Variants in TTC6 observed in about 807,000 individuals in gnomAD.
TTC6 encodes the protein tetratricopeptide repeat domain 6.
TTC6 carries 172 observed loss-of-function variants against 210.4 expected under a neutral mutation model. The observed-to-expected ratio is 0.82, with a 90% CI of 0.72 to 0.93. TTC6 has a LOEUF of 0.93. Among genes scored for constraint, TTC6 ranks in the 40% least tolerant of loss-of-function variants. The probability of loss-of-function intolerance (pLI) is 0.00; values close to 1 mark genes in which losing one functional copy is unlikely to be tolerated. For synonymous variants in TTC6, 804 were observed against 819.6 expected, an observed-to-expected ratio of 0.98 and a Z score of 0.32; for missense variants, 2,414 against 2,318.1, an observed-to-expected ratio of 1.04 and a Z score of -0.85.
At chr14:37,623,517 C>A (rs1247837958) in intron 1 of TTC6, among the ~76,000 whole-genome samples, 1 of 152,154 alleles carries the variant, frequency 6.6e-6, no homozygotes, top group South Asian at 2.1e-4. Context: ...TCTATGTCTT[C>A]CCAATCATAG....
chr14:37,817,480 A>T, intron 25 of TTC6, 98 bp from the exon 28 acceptor site: 1 of 994,998 alleles, frequency 1.0e-6, no homozygotes, highest in Non-Finnish European at 1.5e-6. Flanking sequence ...TGTATATCTT[A>T]ATGCTTGTGT....
rs138625785 is a variant in TTC6, at chr14:37,812,041, C to G, written c.4570-273C>G. ...AGAATGCTAAGTCCCTCCCTTCCAGCCCGTACACCAGTGAAAATGTATAGG... is the reference window on the plus strand; with the variant it reads ...AGAATGCTAAGTCCCTCCCTTCCAGGCCGTACACCAGTGAAAATGTATAGG... On this transcript the variant is annotated intron_variant, in intron 24 of 30. Coordinates refer to ENST00000553443, the Ensembl canonical transcript of TTC6. 3.3e-5 allele frequency among the ~76,000 whole-genome samples: 5 copies of G among 152,268 alleles called. No homozygotes were observed. In the East Asian group the frequency reaches 5.8e-4, roughly 18 times the overall value.
chr14:37,735,678 G>A (rs12436983), intron 7 of TTC6, among the ~76,000 whole-genome samples: 94,496 of 151,968 alleles, frequency 0.62, 30,514 homozygotes, highest in East Asian at 0.9. Context: ...GCCAGAAATA[G>A]TGTGGAAGTA....
chr14:37,616,657 A>G (rs2095643166), intron 2 of TTC6, among the ~76,000 whole-genome samples: 1 of 150,464 alleles, frequency 6.6e-6, no homozygotes, highest in Non-Finnish European at 1.5e-5. Flanking sequence ...AGATCGCGCC[A>G]CTGCACTCCA....
At chr14:37,808,684 C>T in intron 23 of TTC6, 49 bp from the exon 26 acceptor site, 2 of 892,986 alleles carry the variant, frequency 2.2e-6, no homozygotes, top group South Asian at 3.4e-5. Flanking sequence ...GATTAAATTT[C>T]AGTCCATTAT....
At chr14:37,841,449 G>T in exon 30 of TTC6, 4 of 1,587,002 alleles carry the variant, frequency 2.5e-6, no homozygotes, top group Non-Finnish European at 3.4e-6. Flanking sequence ...TTGTAGGCCA[G>T]TGACTACTTC....
intron 7 of TTC6, among the ~76,000 whole-genome samples, chr14:37,725,310 GTGTATATATA>G (rs1337487761): frequency 1.6e-3 from 89 of 55,696 alleles, no homozygotes; most frequent in Middle Eastern, 0.012. Context: ...GTGTGTGTGT[GTGTATATATA>G]TATATATATA....
intron 1 of TTC6, among the ~76,000 whole-genome samples, chr14:37,626,486 CG>C (rs1436239401): frequency 6.6e-6 from 1 of 152,136 alleles, no homozygotes; most frequent in Non-Finnish European, 1.5e-5. Context: ...ATGTTTGCCT[CG>C]GGGAAGATGA....
chr14:37,823,413 T>C (rs2096162660), intron 26 of TTC6, among the ~76,000 whole-genome samples: 1 of 152,214 alleles, frequency 6.6e-6, no homozygotes, highest in Non-Finnish European at 1.5e-5. Context: ...TGTTTTTCTA[T>C]ACTGGTAATT....
intron 29 of TTC6, among the ~76,000 whole-genome samples, chr14:37,834,950 C>T (rs2096194288): frequency 6.6e-6 from 1 of 152,182 alleles, no homozygotes; most frequent in Non-Finnish European, 1.5e-5. Context: ...CTGTAATCAA[C>T]ATCAGTGGTG....
Position 37,657,854 on chromosome 14 carries a change from AT to A in TTC6, c.940-22289del, listed in dbSNP as rs948204045. Among the ~76,000 whole-genome samples the A allele has an allele frequency of 2.0e-5, 3 of 152,070 alleles. No individual in the cohort carries two copies. The East Asian group carries it at 5.8e-4, about 29-fold the overall frequency. On this transcript the variant is annotated intron_variant, in intron 1 of 30. Coordinates refer to ENST00000553443, the Ensembl canonical transcript of TTC6. ...TCTATTACATAAAGGAGAGAGTTTG[AT>A]TTTTTTTGTATGTACCAACCGTTAA... is the stretch of plus-strand genomic sequence containing the variant.
At position 37,598,231 on chromosome 14, in the gene TTC6, A is replaced by G. The variant is rs568542697; in HGVS notation, c.-235+2223A>G. On this transcript the variant is annotated intron_variant, in intron 1 of 2. Coordinates refer to the TTC6 transcript ENST00000556845. The surrounding 1 kb of genome is among the most constrained non-coding windows in gnomAD (Gnocchi z 4.9). ...AGGCCTGTCTTCAGCTGTGGGGAGG[A>G]TGGGTGGACTCGGGGCAGGGTACCC... is the stretch of plus-strand genomic sequence containing the variant. Among the ~76,000 whole-genome samples, 66 of 151,998 alleles carry G rather than the reference A, an allele frequency of 4.3e-4. No individual in the cohort carries two copies. In the South Asian group the frequency reaches 0.013, roughly 29 times the overall value.
chr14:37,831,534 C>T (rs545552581), intron 29 of TTC6, among the ~76,000 whole-genome samples: 4 of 152,242 alleles, frequency 2.6e-5, no homozygotes, highest in South Asian at 4.1e-4. Context: ...ACATTCTCAC[C>T]GTTAGTGTAC....
intron 5 of TTC6, among the ~76,000 whole-genome samples, chr14:37,705,840 C>G (rs1042935732): frequency 2.6e-5 from 4 of 152,104 alleles, no homozygotes; most frequent in Non-Finnish European, 5.9e-5. Context: ...AAATTGAAAC[C>G]TGAAAGATGG....
intron 2 of TTC6, among the ~76,000 whole-genome samples, chr14:37,615,041 C>T (rs1465036439): frequency 6.6e-6 from 1 of 152,196 alleles, no homozygotes; most frequent in Non-Finnish European, 1.5e-5. Flanking sequence ...GCCACTGCAC[C>T]TGCTCTGGGT....
intron 16 of TTC6, among the ~76,000 whole-genome samples, chr14:37,791,754 T>G (rs1268510483): frequency 6.6e-6 from 1 of 152,202 alleles, no homozygotes; most frequent in Non-Finnish European, 1.5e-5. Flanking sequence ...TGATAATTTC[T>G]AAGGTTATTT....
At chr14:37,680,191 C>G in exon 2 of TTC6, 1 of 1,534,004 alleles carries the variant, frequency 6.5e-7, no homozygotes, top group Non-Finnish European at 8.7e-7. Context: ...AAAACATCAC[C>G]TATGCAAGCA....
At chr14:37,680,209 C>G in exon 2 of TTC6, 19 of 1,534,078 alleles carry the variant, frequency 1.2e-5, no homozygotes, top group Non-Finnish European at 1.6e-5. Flanking sequence ...GCAGAAACAC[C>G]TGAGATACAA....
intron 1 of TTC6, among the ~76,000 whole-genome samples, chr14:37,665,324 AG>A (rs1258262266): frequency 6.6e-6 from 1 of 150,448 alleles, no homozygotes; most frequent in East Asian, 1.9e-4. Flanking sequence ...AGCCATAAAA[AG>A]AATGAGATCA....
Sources: allele counts gnomAD v4.1 joint callset (sites outside exome capture counted in the v4.1 genomes callset), GRCh38; gene constraint gnomAD v4.1.1; non-coding constraint Gnocchi (gnomAD v3.1); transcripts MANE v1.5; gene names NCBI Gene and HGNC (gene_info 2026-07-23, HGNC 2026-07-21).